Variants in NFIA observed in about 807,000 individuals in gnomAD.
NFIA encodes the protein nuclear factor I A.
Under a neutral mutation model 62.8 loss-of-function variants are expected in NFIA, and 8 were observed. The observed-to-expected ratio is 0.13, with a 90% CI of 0.07 to 0.23. The LOEUF (loss-of-function observed/expected upper bound fraction) is 0.23. Among genes scored for constraint, NFIA ranks in the 10% least tolerant of loss-of-function variants. The probability of loss-of-function intolerance (pLI) is 1.00; values close to 1 mark genes in which losing one functional copy is unlikely to be tolerated. For synonymous variants in NFIA, 235 were observed against 238.1 expected (o/e 0.99, Z 0.12); for missense variants, 410 against 642.1 (o/e 0.64, Z 3.91).
chr1:61,354,515 C>G (rs1662725811), intron 5 of NFIA, among the ~76,000 whole-genome samples: 1 of 152,142 alleles, frequency 6.6e-6, no homozygotes, highest in African/African-American at 2.4e-5. Context: ...AATTTGACAA[C>G]ACACACAGTG....
chr1:61,300,129 C>T (rs72666608), intron 3 of NFIA, among the ~76,000 whole-genome samples: 3,672 of 152,142 alleles, frequency 0.024, 55 homozygotes, highest in Non-Finnish European at 0.034. Flanking sequence ...CAGTTGTTTT[C>T]CGCATTTCCA....
chr1:61,196,504 G>A (rs74831527), intron 2 of NFIA, among the ~76,000 whole-genome samples: 3,027 of 152,196 alleles, frequency 0.02, 93 homozygotes, highest in African/African-American at 0.055. Context: ...TCTTAGCGTA[G>A]AGCAAATGTT....
At position 61,285,498 on chromosome 1, in the gene NFIA, A is replaced by T. The variant is rs144595043; in HGVS notation, c.625+7913A>T. 7.7e-4 allele frequency among the ~76,000 whole-genome samples: 118 copies of T among 152,318 alleles called. No homozygotes were observed. The East Asian group carries it at 0.021, about 27-fold the overall frequency. On this transcript the variant is annotated intron_variant, in intron 3 of 10. Coordinates refer to ENST00000403491, the MANE Select transcript of NFIA (RefSeq NM_001134673.4). ...TTGGAGTCACTAATCCAGATTGATT[A>T]GTTGCCTGCTAGAAAAATTCATGTG...
chr1:61,226,747 G>A (rs969808301), intron 2 of NFIA, among the ~76,000 whole-genome samples: 4 of 152,006 alleles, frequency 2.6e-5, no homozygotes, highest in South Asian at 2.1e-4. Context: ...ATTCTAAAAC[G>A]AATGCTTGCT....
At chr1:61,347,009 A>G (rs1396104566) in intron 4 of NFIA, among the ~76,000 whole-genome samples, 1 of 152,070 alleles carries the variant, frequency 6.6e-6, no homozygotes, top group East Asian at 1.9e-4. Flanking sequence ...AGATTCAGTT[A>G]TCTCCACCTG....
intron 10 of NFIA, among the ~76,000 whole-genome samples, chr1:61,449,581 G>A (rs1175681811): frequency 1.3e-5 from 2 of 152,170 alleles, no homozygotes; most frequent in Non-Finnish European, 2.9e-5. Flanking sequence ...CTGTGCCCAG[G>A]CCTGGCAGGG....
intron 6 of NFIA, among the ~76,000 whole-genome samples, chr1:61,370,064 A>G (rs1663805175): frequency 6.6e-6 from 1 of 152,214 alleles, no homozygotes; most frequent in Admixed American, 6.5e-5. Context: ...GAGAGAGGGA[A>G]GAAATAAGTC....
At chr1:61,402,194 C>T (rs769871674) in intron 7 of NFIA, among the ~76,000 whole-genome samples, 1 of 151,840 alleles carries the variant, frequency 6.6e-6, no homozygotes, top group Non-Finnish European at 1.5e-5. Context: ...CCCACCACCA[C>T]ACCTGGCTAA....
intron 2 of NFIA, among the ~76,000 whole-genome samples, chr1:61,089,913 T>C (rs1018035792): frequency 2.0e-5 from 3 of 152,344 alleles, no homozygotes; most frequent in South Asian, 2.1e-4. Context: ...TTTGCAAGCA[T>C]GTCACATCAT....
chr1:61,183,932 G>A (rs1285056832), intron 2 of NFIA, among the ~76,000 whole-genome samples: 1 of 151,942 alleles, frequency 6.6e-6, no homozygotes, highest in African/African-American at 2.4e-5. Flanking sequence ...CAAAAGAGAG[G>A]ACGTCCTGAC....
intron 2 of NFIA, among the ~76,000 whole-genome samples, chr1:61,253,832 C>T (rs188529868): frequency 2.0e-5 from 3 of 151,946 alleles, no homozygotes; most frequent in Non-Finnish European, 4.4e-5. Flanking sequence ...CATTGTTTGA[C>T]ACTAAAAAAA....
chr1:61,241,677 C>A (rs1022740944), intron 2 of NFIA, among the ~76,000 whole-genome samples: 4 of 151,840 alleles, frequency 2.6e-5, no homozygotes, highest in African/African-American at 7.3e-5. Flanking sequence ...CAACTACCAC[C>A]CAAAAAGGAA....
chr1:61,176,331 C>T (rs1015859146), intron 2 of NFIA, among the ~76,000 whole-genome samples: 1 of 152,086 alleles, frequency 6.6e-6, no homozygotes, highest in Admixed American at 6.6e-5. Flanking sequence ...TAAGTTGGGG[C>T]GTAAACGTAG....
chr1:61,252,112 C>A (rs1435367173), intron 2 of NFIA, among the ~76,000 whole-genome samples: 1 of 152,174 alleles, frequency 6.6e-6, no homozygotes, highest in Non-Finnish European at 1.5e-5. Context: ...AACATCAATT[C>A]CTACTCACAA....
intron 2 of NFIA, among the ~76,000 whole-genome samples, chr1:61,104,042 T>A (rs902285176): frequency 6.6e-6 from 1 of 152,144 alleles, no homozygotes; most frequent in Non-Finnish European, 1.5e-5. Context: ...CTAGCTTATA[T>A]GTGAGGGTAT....
intron 3 of NFIA, among the ~76,000 whole-genome samples, chr1:61,286,621 A>G (rs1419820893): frequency 6.6e-6 from 1 of 152,190 alleles, no homozygotes; most frequent in East Asian, 1.9e-4. Flanking sequence ...GGCATGTTCT[A>G]GGCATCACAC....
chr1:61,423,787 G>T lies in NFIA; in HGVS notation c.1421-2678G>T, dbSNP rs369147901. Among the ~76,000 whole-genome samples the T allele has an allele frequency of 4.7e-4, 71 of 152,094 alleles. 1 individual carries two copies. The East Asian group carries it at 9.1e-3, about 19-fold the overall frequency. On this transcript the variant is annotated intron_variant, in intron 9 of 10. Coordinates refer to ENST00000403491, the MANE Select transcript of NFIA (RefSeq NM_001134673.4). ...TCAACTTATGTTATATCATTTTTGG[G>T]ACTATATCCTGTTATAGGTAACTGC... is the stretch of plus-strand genomic sequence containing the variant.
chr1:61,448,230 T>A (rs942350076), intron 10 of NFIA, among the ~76,000 whole-genome samples: 2 of 152,136 alleles, frequency 1.3e-5, no homozygotes, highest in Admixed American at 6.5e-5. Context: ...CCCAAATGCC[T>A]TTCATAAACT....
chr1:61,134,221 G>C (rs1279246855), intron 2 of NFIA, among the ~76,000 whole-genome samples: 5 of 149,280 alleles, frequency 3.3e-5, no homozygotes, highest in African/African-American at 1.2e-4. Flanking sequence ...GAAACTACAG[G>C]GTGCTTTACA....
Sources: allele counts gnomAD v4.1 joint callset (sites outside exome capture counted in the v4.1 genomes callset), GRCh38; gene constraint gnomAD v4.1.1; transcripts MANE v1.5; gene names NCBI Gene and HGNC (gene_info 2026-07-23, HGNC 2026-07-21).